Variants in KIAA1958 observed in about 807,000 individuals in gnomAD.
KIAA1958 encodes the protein KIAA1958.
In KIAA1958, 14 loss-of-function variants were observed where a neutral mutation model predicts 47.2. That is an observed-to-expected ratio of 0.30 (90% CI 0.20 to 0.46). The LOEUF (loss-of-function observed/expected upper bound fraction) is 0.46, where lower values mean the gene tolerates loss of function less well. Ranked by LOEUF, KIAA1958 falls within the 20% of genes least tolerant of loss-of-function variation. KIAA1958 has a pLI of 1.00. For missense variants in KIAA1958, 803 were observed against 909.2 expected (o/e 0.88, Z 1.50); for synonymous variants, 354 against 353.3 (o/e 1.00, Z -0.02).
chr9:112,560,298 A>G (rs567143576), intron 1 of KIAA1958, among the ~76,000 whole-genome samples: 1 of 149,338 alleles, frequency 6.7e-6, no homozygotes, highest in African/African-American at 2.5e-5. Context: ...ACTCCTAGGC[A>G]TAAGCAGTCG....
At chr9:112,538,444 G>T (rs6477945) in intron 1 of KIAA1958, among the ~76,000 whole-genome samples, 126,650 of 152,070 alleles carry the variant, frequency 0.83, 53,231 homozygotes, top group African/African-American at 0.92. Context: ...AAAGCAAAAT[G>T]AGTAGGTGAA....
Position 112,563,354 on chromosome 9 carries a change from C to T in KIAA1958, c.-24-10703C>T, listed in dbSNP as rs185340494. On this transcript the variant is annotated intron_variant, in intron 1 of 3. Transcript: ENST00000337530. ...CCTAATGATTTTGACTCTTCCAATCCACTAATACGGTATATCTTTCTGTTT... is the reference window on the plus strand; with the variant it reads ...CCTAATGATTTTGACTCTTCCAATCTACTAATACGGTATATCTTTCTGTTT... Among the ~76,000 whole-genome samples the T allele has an allele frequency of 1.7e-3, 259 of 152,196 alleles. 1 individual carries two copies. Among genetic ancestry groups the T allele is most frequent in the Non-Finnish European group, 3.1e-3 (211 of 68,020 alleles).
At chr9:112,650,260 G>T (rs1367163861) in intron 3 of KIAA1958, among the ~76,000 whole-genome samples, 2 of 152,080 alleles carry the variant, frequency 1.3e-5, no homozygotes, top group African/African-American at 4.8e-5. Context: ...ATTAAAAGAA[G>T]CTCTTCAGGC....
intron 1 of KIAA1958, among the ~76,000 whole-genome samples, chr9:112,565,456 C>T (rs72764191): frequency 0.11 from 17,110 of 152,188 alleles, 1,388 homozygotes; most frequent in East Asian, 0.18. Context: ...AGTGTCTTAT[C>T]CAATCATTGC....
intron 1 of KIAA1958, among the ~76,000 whole-genome samples, chr9:112,552,775 A>C (rs1835173655): frequency 1.3e-5 from 2 of 152,150 alleles, no homozygotes; most frequent in Admixed American, 1.3e-4. Context: ...GGGAGGAGAT[A>C]TCCATTCATG....
chr9:112,487,091 C>A lies in KIAA1958; in HGVS notation c.-52C>A. 1 of 223,886 alleles carries A rather than the reference C, an allele frequency of 4.5e-6. No individual in the cohort carries two copies. The highest frequency in any genetic ancestry group is 9.1e-6 in the Non-Finnish European group (1 of 109,968). The allele number at this position is 223,886 out of a possible 1,614,324, so 13.9% of individuals were successfully genotyped here. A position where few individuals can be genotyped will look rare whatever the true frequency, so the allele number is the denominator to read the frequency against. On this transcript the variant is annotated 5_prime_UTR_variant, in exon 1 of 4. Coordinates refer to ENST00000337530, the MANE Select transcript of KIAA1958 (RefSeq NM_133465.4). ...AGGCCCCCCCGCGCCGACCGCGTTC[C>A]TATGGACAGACGCACAGACACCTGC...
chr9:112,510,748 C>G (rs1351424601), intron 1 of KIAA1958, among the ~76,000 whole-genome samples: 9 of 152,042 alleles, frequency 5.9e-5, no homozygotes, highest in Admixed American at 3.3e-4. Flanking sequence ...TGGAGAAAAG[C>G]AGTTCGGTGT....
chr9:112,632,829 C>G (rs776824126), intron 2 of KIAA1958, among the ~76,000 whole-genome samples: 1 of 150,784 alleles, frequency 6.6e-6, no homozygotes, highest in Non-Finnish European at 1.5e-5. Flanking sequence ...TTTATACCTT[C>G]TGTGTTGTGT....
At chr9:112,630,951 G>C (rs540157227) in intron 2 of KIAA1958, among the ~76,000 whole-genome samples, 1 of 152,130 alleles carries the variant, frequency 6.6e-6, no homozygotes, top group Non-Finnish European at 1.5e-5. Context: ...AAGTGTGCTT[G>C]CAAGTTTTAC....
chr9:112,603,374 T>C (rs1421196727), intron 2 of KIAA1958, among the ~76,000 whole-genome samples: 2 of 152,194 alleles, frequency 1.3e-5, no homozygotes, highest in Non-Finnish European at 2.9e-5. Flanking sequence ...AAAATCAGGA[T>C]TGGTGTCTTA....
At chr9:112,610,401 C>G (rs1836305887) in intron 2 of KIAA1958, among the ~76,000 whole-genome samples, 1 of 151,860 alleles carries the variant, frequency 6.6e-6, no homozygotes, top group Non-Finnish European at 1.5e-5. Flanking sequence ...TATCCAAAAT[C>G]TAAATCTTTC....
intron 1 of KIAA1958, among the ~76,000 whole-genome samples, chr9:112,524,866 A>G (rs1834613379): frequency 6.6e-6 from 1 of 152,298 alleles, no homozygotes; most frequent in East Asian, 1.9e-4. Flanking sequence ...CTTCCAAAGG[A>G]GTCAAGGCTT....
chr9:112,658,799 A>C (rs1013799094), intron 3 of KIAA1958, among the ~76,000 whole-genome samples: 1 of 149,364 alleles, frequency 6.7e-6, no homozygotes, highest in Non-Finnish European at 1.5e-5. Flanking sequence ...CTCTACAAAA[A>C]ATACAAAAAA....
rs371964653 is a variant in KIAA1958 at position 112,647,684 on chromosome 9, T to C, written c.1344+1862T>C. On this transcript the variant is annotated intron_variant, in intron 3 of 3. Coordinates refer to ENST00000337530, the MANE Select transcript of KIAA1958 (RefSeq NM_133465.4). The stretch of plus-strand genomic sequence containing the variant: ...CCATTTCTTGCCAGAATTACCCTCC[T>C]AGAAAACCAGACACAACATGTGAAA... Among the ~76,000 whole-genome samples the C allele has an allele frequency of 5.3e-5, 8 of 152,302 alleles. No homozygotes were observed. In the South Asian group the frequency reaches 1.4e-3, roughly 28 times the overall value.
At chr9:112,606,410 T>G (rs988251309) in intron 2 of KIAA1958, among the ~76,000 whole-genome samples, 2 of 152,360 alleles carry the variant, frequency 1.3e-5, no homozygotes, top group South Asian at 4.1e-4. Flanking sequence ...GTAGTTGCCA[T>G]TCAGTTTTCT....
At chr9:112,502,033 G>A (rs1587990714) in intron 1 of KIAA1958, among the ~76,000 whole-genome samples, 1 of 152,102 alleles carries the variant, frequency 6.6e-6, no homozygotes, top group South Asian at 2.1e-4. Flanking sequence ...CAATCCAGAA[G>A]CTTTTTTTAA....
At chr9:112,578,855 G>A (rs771790032) in intron 2 of KIAA1958, among the ~76,000 whole-genome samples, 4 of 151,784 alleles carry the variant, frequency 2.6e-5, no homozygotes, top group Admixed American at 6.6e-5. Context: ...AATCTCTATC[G>A]CATCATGAGT....
chr9:112,649,747 C>T (rs964795902), intron 3 of KIAA1958, among the ~76,000 whole-genome samples: 3 of 152,104 alleles, frequency 2.0e-5, no homozygotes, highest in Non-Finnish European at 4.4e-5. Context: ...TCACTATCCT[C>T]TGTGAAAACA....
At chr9:112,596,857 A>G (rs747016107) in intron 2 of KIAA1958, among the ~76,000 whole-genome samples, 2 of 152,196 alleles carry the variant, frequency 1.3e-5, no homozygotes, top group Non-Finnish European at 2.9e-5. Flanking sequence ...GATTTGTACT[A>G]TGCATTTTTA....
Sources: allele counts gnomAD v4.1 joint callset (sites outside exome capture counted in the v4.1 genomes callset), GRCh38; gene constraint gnomAD v4.1.1; transcripts MANE v1.5; gene names NCBI Gene and HGNC (gene_info 2026-07-23, HGNC 2026-07-21).